Variants in ATP11C observed in about 807,000 individuals in gnomAD.
ATP11C encodes the protein phospholipid-transporting ATPase IG.
In ATP11C, 36 loss-of-function variants were observed where a neutral mutation model predicts 97.4. The observed-to-expected ratio is 0.37, with a 90% confidence interval of 0.28 to 0.49. ATP11C has a LOEUF of 0.49. Ranked by LOEUF, ATP11C falls within the 20% of genes least tolerant of loss-of-function variation. The probability of loss-of-function intolerance (pLI) is 0.98; values close to 1 mark genes in which losing one functional copy is unlikely to be tolerated. For synonymous variants in ATP11C, 275 were observed against 290.9 expected (o/e 0.95, Z 0.56); for missense variants, 730 against 824.6 (o/e 0.89, Z 1.40).
At chrX:139,919,494 A>ACACAC (rs1569492594) in intron 1 of ATP11C, among the ~76,000 whole-genome samples, 1 of 92,376 alleles carries the variant, frequency 1.1e-5, no homozygotes, top group Non-Finnish European at 2.2e-5. Context: ...CACACACACA[A>ACACAC]ACTACTTATT....
chrX:139,928,274 G>A (rs768269323), intron 1 of ATP11C, among the ~76,000 whole-genome samples: 90 of 111,756 alleles, frequency 8.1e-4, no homozygotes, highest in Admixed American at 7.6e-3. Context: ...TGTGGGAGCC[G>A]AGATACACAG....
intron 1 of ATP11C, among the ~76,000 whole-genome samples, chrX:139,876,773 G>A: frequency 8.9e-6 from 1 of 112,234 alleles, no homozygotes; most frequent in Non-Finnish European, 1.9e-5. Flanking sequence ...TAGAGGAACA[G>A]AAAATGTTAG....
At position 139,771,213 on chromosome X, in the gene ATP11C, T is replaced by C. The variant is rs562872619; in HGVS notation, c.2217-2779A>G. On this transcript the variant is annotated intron_variant, in intron 19 of 29. Coordinates refer to ENST00000682941, the MANE Select transcript of ATP11C (RefSeq NM_001353812.2). Reference sequence around the variant, plus strand: ...AGTGAGTAAGTCTCATGAGATCTGATGGGTTTATCGGGTTTCCGCTTTTGC... The same window carrying C: ...AGTGAGTAAGTCTCATGAGATCTGACGGGTTTATCGGGTTTCCGCTTTTGC... Among the ~76,000 whole-genome samples the C allele has an allele frequency of 6.8e-3, 754 of 111,596 alleles. 3 individuals carry two copies. The highest frequency in any genetic ancestry group is 0.01 in the Non-Finnish European group (537 of 53,080).
intron 18 of ATP11C, among the ~76,000 whole-genome samples, chrX:139,781,790 C>T (rs2148715145): frequency 9.0e-6 from 1 of 111,524 alleles, no homozygotes; most frequent in East Asian, 2.8e-4. Context: ...GTCTGTTGAA[C>T]CAGGTTAGAT....
intron 5 of ATP11C, among the ~76,000 whole-genome samples, chrX:139,813,063 T>A (rs2083211399): frequency 8.9e-6 from 1 of 112,235 alleles, no homozygotes; most frequent in Non-Finnish European, 1.9e-5. Flanking sequence ...GTTGGGCATA[T>A]GGAGAATTCT....
chrX:139,835,214 T>C (rs2083728479), intron 1 of ATP11C, among the ~76,000 whole-genome samples: 1 of 111,934 alleles, frequency 8.9e-6, no homozygotes, highest in Non-Finnish European at 1.9e-5. Flanking sequence ...TTGGCTATGA[T>C]CCCAGGTGGG....
intron 1 of ATP11C, among the ~76,000 whole-genome samples, chrX:139,911,671 C>A (rs925758485): frequency 1.8e-5 from 2 of 110,281 alleles, no homozygotes; most frequent in Admixed American, 9.7e-5. Context: ...ACACACACAC[C>A]CCACAAGAGA....
In ATP11C at chrX:139,909,129, ATTTTG is replaced by A. The variant is rs1307391847; in HGVS notation, c.27+22882_27+22886del. 2.8e-4 allele frequency among the ~76,000 whole-genome samples: 31 copies of A among 110,243 alleles called. No homozygotes were observed. The East Asian group carries it at 3.2e-3, about 11-fold the overall frequency. ...CCACACTGCTTTTGGGGTTTTTTTTATTTTGTTTTGTTTTGTTTTGAGACAGAGTT... is the reference window on the plus strand; with the variant it reads ...CCACACTGCTTTTGGGGTTTTTTTTATTTTGTTTTGTTTTGAGACAGAGTT... On this transcript the variant is annotated intron_variant, in intron 1 of 29. Transcript: ENST00000682941.
At position 139,760,938 on chromosome X, in the gene ATP11C, G is replaced by T. The variant is rs754317736; in HGVS notation, c.2640+1023C>A. ...GTTTTAGAATTAGACAATGATGATG[G>T]TTGCACATCATAGTGAACACATTAT... On this transcript the variant is annotated intron_variant, in intron 22 of 29. Transcript: ENST00000682941. 7.2e-5 allele frequency among the ~76,000 whole-genome samples: 8 copies of T among 111,859 alleles called. No individual in the cohort carries two copies. The East Asian group carries it at 2.2e-3, about 31-fold the overall frequency.
At chrX:139,855,048 A>T (rs1003375872) in intron 1 of ATP11C, among the ~76,000 whole-genome samples, 1 of 112,491 alleles carries the variant, frequency 8.9e-6, no homozygotes, top group Non-Finnish European at 1.9e-5. Flanking sequence ...AATTATGTCT[A>T]TAAGTTTTAT....
At chrX:139,935,718 T>G (rs1461231063), upstream of ATP11C, among the ~76,000 whole-genome samples, 1 of 112,105 alleles carries the variant, frequency 8.9e-6, no homozygotes, top group Non-Finnish European at 1.9e-5. Context: ...CCAGGCATTT[T>G]TATGGGATTT....
intron 21 of ATP11C, among the ~76,000 whole-genome samples, chrX:139,762,984 G>T (rs934015533): frequency 1.8e-5 from 2 of 111,852 alleles, no homozygotes; most frequent in Admixed American, 1.9e-4. Context: ...GTCTGGCCAG[G>T]GGCAGAAAAT....
chrX:139,747,751 C>G (rs1344146607), intron 24 of ATP11C, among the ~76,000 whole-genome samples: 1 of 111,755 alleles, frequency 8.9e-6, no homozygotes, highest in Non-Finnish European at 1.9e-5. Context: ...GCATACTGTA[C>G]AGAGAGCCAT....
chrX:139,763,183 A>G, intron 21 of ATP11C, 133 bp downstream of exon 21: 1 of 478,596 alleles, frequency 2.1e-6, no homozygotes, highest in Non-Finnish European at 3.5e-6. Context: ...GCCTCCATTT[A>G]ATTAACAATT....
intron 1 of ATP11C, among the ~76,000 whole-genome samples, chrX:139,848,301 AT>A (rs1224875655): frequency 9.0e-6 from 1 of 110,751 alleles, no homozygotes; most frequent in Non-Finnish European, 1.9e-5. Context: ...AGAAACCTAG[AT>A]TGCTGAGTCC....
intron 1 of ATP11C, among the ~76,000 whole-genome samples, chrX:139,896,897 A>G: frequency 9.0e-6 from 1 of 110,760 alleles, no homozygotes; most frequent in African/African-American, 3.3e-5. Flanking sequence ...CTTATTAATT[A>G]TGGCAAATGT....
chrX:139,833,874 A>G (rs750331532), intron 1 of ATP11C, among the ~76,000 whole-genome samples: 1 of 111,363 alleles, frequency 9.0e-6, no homozygotes, highest in African/African-American at 3.3e-5. Flanking sequence ...AAGGTCACAT[A>G]ACGTAAGAGA....
At chrX:139,729,165 G>T (rs922795151) in intron 29 of ATP11C, among the ~76,000 whole-genome samples, 5 of 111,681 alleles carry the variant, frequency 4.5e-5, no homozygotes, top group African/African-American at 1.6e-4. Flanking sequence ...TTTGTCAGCT[G>T]AATAGATTCA....
At chrX:139,818,360 T>C (rs769134385) in intron 3 of ATP11C, among the ~76,000 whole-genome samples, 1 of 111,951 alleles carries the variant, frequency 8.9e-6, no homozygotes, top group African/African-American at 3.2e-5. Flanking sequence ...CCATTTTTGT[T>C]GTCTGTCCTA....
Sources: allele counts gnomAD v4.1 joint callset (sites outside exome capture counted in the v4.1 genomes callset), GRCh38; gene constraint gnomAD v4.1.1; transcripts MANE v1.5; gene names NCBI Gene and HGNC (gene_info 2026-07-23, HGNC 2026-07-21).